GNAI2: variants seen among roughly 807,000 people sequenced by gnomAD.
GNAI2 encodes the protein G protein subunit alpha i2, also known as guanine nucleotide-binding protein G(i) subunit alpha-2.
Under a neutral mutation model 36.8 loss-of-function variants are expected in GNAI2, and 4 were observed. The ratio of observed to expected loss-of-function variants is 0.11; its 90% CI spans 0.05 to 0.25. The LOEUF (loss-of-function observed/expected upper bound fraction) is 0.25, where lower values mean the gene tolerates loss of function less well. GNAI2 is among the 10% of genes least tolerant of loss of function. The pLI is 1.00. For synonymous variants in GNAI2, 194 were observed against 194.1 expected (o/e 1.00, Z 0.01); for missense variants, 230 against 481.3 (o/e 0.48, Z 4.89).
chr3:50,232,764 C>T (rs1486971974), upstream of GNAI2, among the ~76,000 whole-genome samples: 2 of 151,824 alleles, frequency 1.3e-5, no homozygotes, highest in African/African-American at 2.4e-5. Flanking sequence ...CCAAGGAAGA[C>T]GTTAGAATCC....
At chr3:50,257,913 AC>A (rs1700749017) in intron 8 of GNAI2, 199 bp downstream of exon 8, 5 of 484,804 alleles carry the variant, frequency 1.0e-5, no homozygotes, top group Non-Finnish European at 1.8e-5. Context: ...AGGAGGTCAT[AC>A]AAGCAGGCCT....
chr3:50,248,470 C>T (rs1575448254), intron 1 of GNAI2, among the ~76,000 whole-genome samples: 2 of 152,160 alleles, frequency 1.3e-5, no homozygotes, highest in East Asian at 3.9e-4. Flanking sequence ...GAGCTCTTCA[C>T]CCCACCCATT....
At chr3:50,257,477 A>G (rs200048206) in intron 7 of GNAI2, 23 bp from the exon 8 acceptor site, 88 of 1,518,940 alleles carry the variant, frequency 5.8e-5, no homozygotes, top group Middle Eastern at 4.3e-4. Flanking sequence ...ATGCAGCACA[A>G]GTCTTCATTT....
upstream of GNAI2, among the ~76,000 whole-genome samples, chr3:50,233,971 C>T (rs904296051): frequency 6.1e-5 from 9 of 148,380 alleles, no homozygotes; most frequent in East Asian, 1.8e-3. Context: ...TCTCAGCTCA[C>T]TGCAATCTCC....
intron 1 of GNAI2, among the ~76,000 whole-genome samples, chr3:50,243,397 G>A (rs1036549854): frequency 1.3e-5 from 2 of 152,252 alleles, no homozygotes; most frequent in Non-Finnish European, 2.9e-5. Flanking sequence ...CTCCAAAGCC[G>A]GAAGGCCAGC....
In GNAI2 at chr3:50,254,402, G is replaced by C. The variant is rs587722591; in HGVS notation, c.464+1218G>C. ...TTGCTCCTATTGTTCATCCAATCCT[G>C]AGCCTACCCATAGGGTGGATTTCAG... On this transcript the variant is annotated intron_variant, in intron 4 of 8. Coordinates refer to ENST00000313601, the MANE Select transcript of GNAI2 (RefSeq NM_002070.4). 5.9e-5 allele frequency among the ~76,000 whole-genome samples: 9 copies of C among 152,228 alleles called. 1 individual carries two copies. In the South Asian group the frequency reaches 1.9e-3, roughly 32 times the overall value.
chr3:50,242,212 A>G lies in GNAI2; in HGVS notation c.118+5759A>G, dbSNP rs1238597310. ...CAGGGACTCCCCCCACCCCACCCAC[A>G]GCAGAGGAGGAGACTGTCACCCCAG... is the stretch of plus-strand genomic sequence containing the variant. On this transcript the variant is annotated intron_variant, in intron 1 of 8. Coordinates refer to ENST00000313601, the MANE Select transcript of GNAI2 (RefSeq NM_002070.4). The surrounding 1 kb of genome is among the most constrained non-coding windows in gnomAD (Gnocchi z 4.8). 3.9e-5 allele frequency among the ~76,000 whole-genome samples: 6 copies of G among 151,998 alleles called. No individual in the cohort carries two copies. Among genetic ancestry groups the G allele is most frequent in the Non-Finnish European group, 7.4e-5 (5 of 67,976 alleles).
In GNAI2 at chr3:50,258,629, ATGAGGGGAGGGGG is replaced by A; in HGVS notation, c.*287_*299del. On this transcript the variant is annotated 3_prime_UTR_variant, in exon 9 of 9. Coordinates refer to ENST00000313601, the MANE Select transcript of GNAI2 (RefSeq NM_002070.4). The stretch of plus-strand genomic sequence containing the variant: ...TTTTTAACCATTGTCTTGTTCTGTG[ATGAGGGGAGGGGG>A]GCACATGCTGAGTCTCCCAAGGCTG... The A allele has an allele frequency of 3.2e-6, 1 of 313,450 alleles. No homozygotes were observed. Among genetic ancestry groups the A allele is most frequent in the Non-Finnish European group, 6.2e-6 (1 of 160,532 alleles). The allele number at this position is 313,450 out of a possible 1,614,324, so 19.4% of individuals were successfully genotyped here.
At position 50,253,060 on chromosome 3, in the gene GNAI2, G is replaced by A. The variant is rs368004918; in HGVS notation, c.340G>A (p.Ala114Thr). 6.2e-5 allele frequency: 100 copies of A among 1,611,310 alleles called. No homozygotes were observed. Among genetic ancestry groups the A allele is most frequent in the Non-Finnish European group, 7.3e-5 (86 of 1,178,214 alleles). Residue 114 changes from alanine (A) to threonine (T), a missense_variant, in exon 4 of 9, where the codon GCC becomes ACC. By Grantham distance (58) the Ala-to-Thr change is moderately conservative (BLOSUM62 0). Coordinates refer to ENST00000313601, the MANE Select transcript of GNAI2 (RefSeq NM_002070.4). The surrounding 1 kb of genome is among the most constrained non-coding windows in gnomAD (Gnocchi z 4.2). ...ARQLFALSCT[A>T]EEQGVLPDDL... ...GCAGCTATTTGCACTGTCCTGCACC[G>A]CCGAGGAGCAAGGCGTGCTCCCTGA... is the stretch of plus-strand genomic sequence containing the variant.
chr3:50,236,803 C>T lies in GNAI2; in HGVS notation c.118+350C>T, dbSNP rs1553700456. Reference sequence around the variant, plus strand: ...ACACTTTGCCCAAACCCCCAGGATGCCCGCCACTTGTTCCCCAACCCTCAG... The same window carrying T: ...ACACTTTGCCCAAACCCCCAGGATGTCCGCCACTTGTTCCCCAACCCTCAG... On this transcript the variant is annotated intron_variant, in intron 1 of 8. Transcript: ENST00000313601. This position sits in a 1 kb window ranked among gnomAD's most constrained non-coding sequence, Gnocchi z 4.0. 6.6e-6 allele frequency among the ~76,000 whole-genome samples: 1 copy of T among 152,170 alleles called. No homozygotes were observed. Among genetic ancestry groups the T allele is most frequent in the Non-Finnish European group, 1.5e-5 (1 of 68,026 alleles).
chr3:50,232,049 G>A (rs1332539080), upstream of GNAI2, among the ~76,000 whole-genome samples: 1 of 150,972 alleles, frequency 6.6e-6, no homozygotes, highest in African/African-American at 2.4e-5. Context: ...AAAAAAAAAG[G>A]GCCGTGCACG....
chr3:50,254,390 T>C (rs1372581220), intron 4 of GNAI2, among the ~76,000 whole-genome samples: 4 of 152,072 alleles, frequency 2.6e-5, no homozygotes, highest in African/African-American at 9.7e-5. Context: ...CTCCTATTGT[T>C]CATCCAATCC....
intron 4 of GNAI2, 117 bp from the exon 5 acceptor site, chr3:50,256,075 C>CAAAAA (rs1700691257): frequency 4.5e-6 from 1 of 220,814 alleles, no homozygotes; most frequent in African/African-American, 3.0e-5. Flanking sequence ...AAAAAAAAAG[C>CAAAAA]AAGGGCTGTG....
chr3:50,240,930 A>AAAAAAG (rs1401670007), intron 1 of GNAI2, among the ~76,000 whole-genome samples: 95 of 122,704 alleles, frequency 7.7e-4, no homozygotes, highest in Non-Finnish European at 1.3e-3. Context: ...AAAAAAAAAA[A>AAAAAAG]AAAAAAGAAA....
In GNAI2 at chr3:50,238,266, T is replaced by G. The variant is rs1465391260; in HGVS notation, c.118+1813T>G. 1 of 152,224 alleles carries G rather than the reference T, an allele frequency of 6.6e-6. No individual in the cohort carries two copies. The highest frequency in any genetic ancestry group is 1.5e-5 in the Non-Finnish European group (1 of 68,060). The allele number at this position is 152,224 out of a possible 1,614,324, so 9.4% of individuals were successfully genotyped here. A position where few individuals can be genotyped will look rare whatever the true frequency, so the allele number is the denominator to read the frequency against. ...TCTAGACAGCCTCTCCCCAGGCGAT[T>G]GCAGTTACTGTGGTGGCCGAGGAAA... is the stretch of plus-strand genomic sequence containing the variant. On this transcript the variant is annotated intron_variant, in intron 1 of 8. Transcript: ENST00000313601. This position sits in a 1 kb window ranked among gnomAD's most constrained non-coding sequence, Gnocchi z 5.0.
Position 50,251,419 on chromosome 3 carries a change from G to A in GNAI2, c.119-681G>A, listed in dbSNP as rs963095569. 5.3e-5 allele frequency: 55 copies of A among 1,039,638 alleles called. No individual in the cohort carries two copies. The African/African-American group carries it at 6.2e-4, about 12-fold the overall frequency. 64.4% of individuals were successfully genotyped at this position (1,039,638 alleles called of 1,614,324 possible). A position where few individuals can be genotyped will look rare whatever the true frequency, so the allele number is the denominator to read the frequency against. On this transcript the variant is annotated intron_variant, in intron 1 of 8. Transcript: ENST00000313601. ...GGGAAAAGCTTGAGTCAGTATGGGC[G>A]TGTGTGGGTGTGGGTGTGTGAGATA... is the stretch of plus-strand genomic sequence containing the variant.
chr3:50,247,577 C>T (rs1700452803), intron 1 of GNAI2, among the ~76,000 whole-genome samples: 1 of 152,208 alleles, frequency 6.6e-6, no homozygotes, highest in African/African-American at 2.4e-5. Flanking sequence ...GTCTTGTTCA[C>T]GCAGGTGGAG....
chr3:50,251,026 G>C (rs1292978135), intron 1 of GNAI2, among the ~76,000 whole-genome samples: 1 of 152,034 alleles, frequency 6.6e-6, no homozygotes, highest in Non-Finnish European at 1.5e-5. Flanking sequence ...GGCCAGGCTG[G>C]TCTCGAACTC....
At chr3:50,231,019 G>A (rs1477312059) in intron 1 of GNAI2, 10 of 944,966 alleles carry the variant, frequency 1.1e-5, no homozygotes, top group South Asian at 4.9e-5. Context: ...TCAGCTCTCA[G>A]CCTTAATTTT....
Sources: allele counts gnomAD v4.1 joint callset (sites outside exome capture counted in the v4.1 genomes callset), GRCh38; gene constraint gnomAD v4.1.1; non-coding constraint Gnocchi (gnomAD v3.1); transcripts MANE v1.5; gene names NCBI Gene and HGNC (gene_info 2026-07-23, HGNC 2026-07-21).